XKR4: variants seen among roughly 807,000 people sequenced by gnomAD.
XKR4 encodes XK-related protein 4.
Under a neutral mutation model 53.9 loss-of-function variants are expected in XKR4, and 12 were observed. The ratio of observed to expected loss-of-function variants is 0.22; its 90% CI spans 0.14 to 0.36. The LOEUF (loss-of-function observed/expected upper bound fraction) is 0.36. Ranked by LOEUF, XKR4 falls within the 10% of genes least tolerant of loss-of-function variation. The pLI is 1.00. For missense variants in XKR4, 799 were observed against 859.5 expected, an observed-to-expected ratio of 0.93 and a Z score of 0.88; for synonymous variants, 354 against 362.4, an observed-to-expected ratio of 0.98 and a Z score of 0.26.
intron 1 of XKR4, among the ~76,000 whole-genome samples, chr8:55,279,195 G>T (rs888091825): frequency 1.9e-4 from 29 of 152,188 alleles, no homozygotes; most frequent in Non-Finnish European, 4.3e-4. Flanking sequence ...AGTGACGTAG[G>T]TTGGGGAAGT....
At chr8:55,494,310 G>A (rs545337745) in intron 2 of XKR4, among the ~76,000 whole-genome samples, 1 of 152,388 alleles carries the variant, frequency 6.6e-6, no homozygotes, top group East Asian at 1.9e-4. Flanking sequence ...GCTCCAAAGA[G>A]GGAGTCACAG....
intron 2 of XKR4, among the ~76,000 whole-genome samples, chr8:55,366,495 C>T (rs1803990622): frequency 6.6e-6 from 1 of 152,190 alleles, no homozygotes; most frequent in African/African-American, 2.4e-5. Flanking sequence ...AATGCGTGAC[C>T]ACAGACCTCA....
At chr8:55,180,292 T>G (rs1168353869) in intron 1 of XKR4, among the ~76,000 whole-genome samples, 1 of 152,234 alleles carries the variant, frequency 6.6e-6, no homozygotes, top group Non-Finnish European at 1.5e-5. Flanking sequence ...TTTACATGAA[T>G]GAGCATAAAT....
intron 1 of XKR4, among the ~76,000 whole-genome samples, chr8:55,215,854 T>A (rs910001691): frequency 1.3e-5 from 2 of 152,162 alleles, no homozygotes; most frequent in Admixed American, 6.5e-5. Context: ...TGCCCACTAG[T>A]GCTGATTTTG....
At chr8:55,478,964 C>A (rs1231945998) in intron 2 of XKR4, among the ~76,000 whole-genome samples, 1 of 152,016 alleles carries the variant, frequency 6.6e-6, no homozygotes, top group Non-Finnish European at 1.5e-5. Flanking sequence ...GACTTTAACA[C>A]CCCACTGTCA....
chr8:55,135,678 C>A (rs1303813067), intron 1 of XKR4: 2 of 456,020 alleles, frequency 4.4e-6, no homozygotes, highest in Non-Finnish European at 8.8e-6. Flanking sequence ...AGAGTAAAGT[C>A]AAAGCTGAGA....
intron 1 of XKR4, among the ~76,000 whole-genome samples, chr8:55,216,747 T>G (rs1276361928): frequency 6.7e-6 from 1 of 148,894 alleles, no homozygotes; most frequent in Admixed American, 6.7e-5. Context: ...AAAAAAATTA[T>G]TAGCCACAAA....
At chr8:55,454,578 G>C in intron 2 of XKR4, 1 of 1,437,188 alleles carries the variant, frequency 7.0e-7, no homozygotes, top group Admixed American at 2.0e-5. Context: ...GTGGAGTCTG[G>C]ATGACCTGCC....
intron 1 of XKR4, among the ~76,000 whole-genome samples, chr8:55,111,725 T>C (rs1816234911): frequency 6.6e-6 from 1 of 152,288 alleles, no homozygotes; most frequent in East Asian, 1.9e-4. Context: ...CTAGATTTCA[T>C]GTGGTGAGGT....
intron 1 of XKR4, among the ~76,000 whole-genome samples, chr8:55,253,661 G>T (rs1353969452): frequency 5.3e-5 from 8 of 151,518 alleles, no homozygotes; most frequent in Non-Finnish European, 1.0e-4. Flanking sequence ...AGGCAAAGGG[G>T]TTATTGTTTT....
chr8:55,445,055 T>C (rs1805324732), intron 2 of XKR4, among the ~76,000 whole-genome samples: 1 of 152,086 alleles, frequency 6.6e-6, no homozygotes, highest in Admixed American at 6.6e-5. Flanking sequence ...GTTTTTTTGT[T>C]TTTGTTTTTG....
At chr8:55,369,364 G>C (rs1585542088) in intron 2 of XKR4, among the ~76,000 whole-genome samples, 1 of 104,332 alleles carries the variant, frequency 9.6e-6, no homozygotes, top group Admixed American at 9.4e-5. Flanking sequence ...GGGAAGGGAA[G>C]GGAAGGGGAG....
intron 1 of XKR4, among the ~76,000 whole-genome samples, chr8:55,199,484 T>C (rs1817546063): frequency 6.6e-6 from 1 of 152,236 alleles, no homozygotes; most frequent in Non-Finnish European, 1.5e-5. Flanking sequence ...CATATGGTTA[T>C]TTTAGTTCAT....
intron 2 of XKR4, among the ~76,000 whole-genome samples, chr8:55,361,497 C>T (rs528950494): frequency 8.5e-5 from 13 of 152,194 alleles, no homozygotes; most frequent in African/African-American, 2.4e-4. Context: ...CTCACTCATT[C>T]GTTTCACCTC....
At chr8:55,455,502 C>T (rs1466057480) in intron 2 of XKR4, among the ~76,000 whole-genome samples, 4 of 152,028 alleles carry the variant, frequency 2.6e-5, no homozygotes, top group Admixed American at 2.6e-4. Context: ...CTCAATTGGG[C>T]AATAGGTCAA....
chr8:55,489,195 A>G (rs926751380), intron 2 of XKR4, among the ~76,000 whole-genome samples: 3 of 152,016 alleles, frequency 2.0e-5, no homozygotes, highest in Non-Finnish European at 4.4e-5. Context: ...TGCATCGGTA[A>G]CAAATGCATC....
chr8:55,308,151 G>C (rs1344941645), intron 1 of XKR4, among the ~76,000 whole-genome samples: 2 of 152,188 alleles, frequency 1.3e-5, no homozygotes, highest in Admixed American at 6.5e-5. Context: ...TACTCGGGAG[G>C]CTGAGGCAGG....
At chr8:55,155,617 A>G (rs917323571) in intron 1 of XKR4, among the ~76,000 whole-genome samples, 1 of 144,294 alleles carries the variant, frequency 6.9e-6, no homozygotes, top group Non-Finnish European at 1.5e-5. Context: ...AGTAGAACAA[A>G]AAGATAAAGG....
chr8:55,106,199 A>G (rs886671147), intron 1 of XKR4, among the ~76,000 whole-genome samples: 3 of 152,206 alleles, frequency 2.0e-5, no homozygotes, highest in Non-Finnish European at 4.4e-5. Context: ...ACCAGATTCT[A>G]AAAGCTTTCT....
Sources: gnomAD v4.1 joint callset for allele counts (sites outside exome capture counted in the v4.1 genomes callset) on GRCh38, gnomAD v4.1.1 for gene constraint, MANE v1.5 for transcripts, NCBI Gene and HGNC (gene_info 2026-07-23, HGNC 2026-07-21) for gene names.